ETFDH: variants seen among roughly 807,000 people sequenced by gnomAD.
ETFDH encodes electron transfer flavoprotein-ubiquinone oxidoreductase, mitochondrial.
ETFDH carries 61 observed loss-of-function variants against 73.2 expected under a neutral mutation model. That is an observed-to-expected ratio of 0.83 (90% CI 0.68 to 1.03). The LOEUF (loss-of-function observed/expected upper bound fraction) is 1.03, where lower values mean the gene tolerates loss of function less well. ETFDH is among the 50% of genes least tolerant of loss of function. The probability of loss-of-function intolerance (pLI) is 0.00; values close to 1 mark genes in which losing one functional copy is unlikely to be tolerated. For missense variants in ETFDH, 685 were observed against 745.0 expected (o/e 0.92, Z 0.94); for synonymous variants, 243 against 253.3 (o/e 0.96, Z 0.39).
At chr4:158,677,772 A>G (rs529011889) in intron 1 of ETFDH, among the ~76,000 whole-genome samples, 1 of 152,316 alleles carries the variant, frequency 6.6e-6, no homozygotes, top group African/African-American at 2.4e-5. Context: ...GGGAGAGGGT[A>G]TAATGAGGCA....
intron 6 of ETFDH, among the ~76,000 whole-genome samples, chr4:158,693,252 G>A (rs573959154): frequency 2.0e-4 from 30 of 152,324 alleles, no homozygotes; most frequent in Non-Finnish European, 3.8e-4. Context: ...ACTTGACACA[G>A]TTGGATTATG....
intron 2 of ETFDH, among the ~76,000 whole-genome samples, chr4:158,681,168 G>A (rs1773849961): frequency 6.6e-6 from 1 of 152,160 alleles, no homozygotes; most frequent in South Asian, 2.1e-4. Context: ...TGTCTTTGAT[G>A]ACCTTCCAGT....
At position 158,706,177 on chromosome 4, in the gene ETFDH, T is replaced by C. The variant is rs200645257; in HGVS notation, c.1286-12T>C. 2.5e-6 allele frequency: 4 copies of C among 1,588,866 alleles called. No individual in the cohort carries two copies. Among genetic ancestry groups the C allele is most frequent in the Non-Finnish European group, 2.6e-6 (3 of 1,157,086 alleles). ...CAGTTTCGCACTTAACATTTCATGTTTTTAATAAAAGGACTCCATGTAACT... is the reference window on the plus strand; with the variant it reads ...CAGTTTCGCACTTAACATTTCATGTCTTTAATAAAAGGACTCCATGTAACT... On this transcript the variant is annotated splice_polypyrimidine_tract_variant and intron_variant, in intron 10 of 12. Transcript: ENST00000511912.
At chr4:158,679,755 A>G (rs138223059) in intron 1 of ETFDH, 1 of 152,244 alleles carries the variant, frequency 6.6e-6, no homozygotes, top group East Asian at 1.9e-4. Flanking sequence ...TGACTCAAAA[A>G]TGTATACATT....
chr4:158,672,756 A>G lies in ETFDH; in HGVS notation c.34+266A>G, dbSNP rs78185171. 0.012 allele frequency among the ~76,000 whole-genome samples: 1,762 copies of G among 152,078 alleles called. 27 individuals carry two copies. Among genetic ancestry groups the G allele is most frequent in the African/African-American group, 0.038 (1,569 of 41,462 alleles). On this transcript the variant is annotated intron_variant, in intron 1 of 12. Coordinates refer to ENST00000511912, the MANE Select transcript of ETFDH (RefSeq NM_004453.4). ...CCCTCGGCATCACCACCACCTGTCA[A>G]CACACACACACCTCGGTGGACTCCT...
chr4:158,680,088 A>AAAAAAAAAAAAAC (rs1773808508), intron 1 of ETFDH: 1 of 151,212 alleles, frequency 6.6e-6, no homozygotes, highest in Non-Finnish European at 1.4e-5. Flanking sequence ...CTGTCTCAAA[A>AAAAAAAAAAAAAC]AAAAAAAAAA....
At chr4:158,685,576 C>T (rs1773983355) in intron 5 of ETFDH, among the ~76,000 whole-genome samples, 2 of 152,300 alleles carry the variant, frequency 1.3e-5, no homozygotes, top group South Asian at 2.1e-4. Flanking sequence ...TCCCTGCTCT[C>T]TCTTCCTCCC....
In ETFDH at chr4:158,693,210, G is replaced by C. The variant is rs78813330; in HGVS notation, c.685-2287G>C. ...TTGCCAATCTGGTGGACAGGTCTCTGTTTTCCCTTACTTGACCTTCTAGTG... is the reference window on the plus strand; with the variant it reads ...TTGCCAATCTGGTGGACAGGTCTCTCTTTTCCCTTACTTGACCTTCTAGTG... On this transcript the variant is annotated intron_variant, in intron 6 of 12. Transcript: ENST00000511912. 8.1e-3 allele frequency among the ~76,000 whole-genome samples: 1,238 copies of C among 152,292 alleles called. 14 individuals carry two copies. Among genetic ancestry groups the C allele is most frequent in the Middle Eastern group, 0.027 (8 of 294 alleles).
intron 12 of ETFDH, among the ~76,000 whole-genome samples, chr4:158,707,940 G>A (rs547232358): frequency 6.6e-6 from 1 of 152,176 alleles, no homozygotes; most frequent in Non-Finnish European, 1.5e-5. Context: ...CCTTAAGATG[G>A]AAAAGGCATC....
At chr4:158,674,719 C>A (rs915985624) in intron 1 of ETFDH, among the ~76,000 whole-genome samples, 1 of 152,166 alleles carries the variant, frequency 6.6e-6, no homozygotes, top group Admixed American at 6.5e-5. Context: ...AAGCATTAAT[C>A]TTTTATAGTA....
intron 9 of ETFDH, among the ~76,000 whole-genome samples, chr4:158,702,468 G>A (rs912196030): frequency 8.1e-5 from 12 of 148,934 alleles, no homozygotes; most frequent in East Asian, 2.0e-4. Flanking sequence ...CCCACGCCCC[G>A]CATCCCTTTC....
rs546974096 is a variant in ETFDH, at chr4:158,701,750, G to T, written c.1117-1673G>T. Among the ~76,000 whole-genome samples the T allele has an allele frequency of 2.6e-5, 4 of 152,216 alleles. No homozygotes were observed. The South Asian group carries it at 8.3e-4, about 32-fold the overall frequency. On this transcript the variant is annotated intron_variant, in intron 9 of 12. Transcript: ENST00000511912. ...TGGCTTACTTTAGGAAATCCTCAGA[G>T]AAGAAAAAAATACAGAATGTGGAAA...
At chr4:158,686,464 T>A (rs1774006978) in intron 5 of ETFDH, among the ~76,000 whole-genome samples, 1 of 152,152 alleles carries the variant, frequency 6.6e-6, no homozygotes, top group Non-Finnish European at 1.5e-5. Context: ...GACAGAAGGG[T>A]ATGATCTAAC....
chr4:158,695,207 G>A (rs1215878241), intron 6 of ETFDH, among the ~76,000 whole-genome samples: 4 of 152,298 alleles, frequency 2.6e-5, no homozygotes, highest in African/African-American at 9.6e-5. Flanking sequence ...TCCATTGGCA[G>A]AGGAGCTGGA....
At chr4:158,681,981 A>T in intron 2 of ETFDH, 1 of 580,138 alleles carries the variant, frequency 1.7e-6, no homozygotes. Flanking sequence ...GCCAAGAATT[A>T]GTTTATGGAA....
At chr4:158,685,371 C>T (rs542935871) in intron 5 of ETFDH, 152 bp downstream of exon 5, 48 of 606,864 alleles carry the variant, frequency 7.9e-5, no homozygotes, top group African/African-American at 6.7e-4. Flanking sequence ...GTATCTAATC[C>T]AAAGAGTACT....
In ETFDH at chr4:158,682,314, C is replaced by T. The variant is rs371493232; in HGVS notation, c.295C>T (p.Arg99Cys). 3.9e-5 allele frequency: 63 copies of T among 1,614,000 alleles called. No individual in the cohort carries two copies. The highest frequency in any genetic ancestry group is 8.9e-5 in the East Asian group (4 of 44,888). The change falls in exon 3 of 13, where the codon CGT becomes TGT. Residue 99 changes from arginine (R) to cysteine (C), a missense_variant. By Grantham distance (180) the Arg-to-Cys change is radical. Coordinates refer to ENST00000511912, the MANE Select transcript of ETFDH (RefSeq NM_004453.4). ...QLAVAHEKDIRVCLVEKAAQI... is the reference protein window; with the variant it reads ...QLAVAHEKDICVCLVEKAAQI... ...GGCTGTGGCACATGAAAAGGACATC[C>T]GTGTGTGTCTAGTGGAGAAAGCTGC...
intron 5 of ETFDH, among the ~76,000 whole-genome samples, chr4:158,689,497 CA>C (rs1774098848): frequency 6.7e-6 from 1 of 149,920 alleles, no homozygotes; most frequent in South Asian, 2.1e-4. Flanking sequence ...ATCTCTTTGC[CA>C]GGGTTTTTTG....
intron 4 of ETFDH, among the ~76,000 whole-genome samples, 170 bp from the exon 5 acceptor site, chr4:158,684,931 G>C (rs1261354957): frequency 1.3e-5 from 2 of 152,190 alleles, no homozygotes; most frequent in Non-Finnish European, 2.9e-5. Context: ...TGTTTGTAAT[G>C]TAATAAATTA....
Sources: gnomAD v4.1 joint callset for allele counts (sites outside exome capture counted in the v4.1 genomes callset) on GRCh38, gnomAD v4.1.1 for gene constraint, MANE v1.5 for transcripts, NCBI Gene and HGNC (gene_info 2026-07-23, HGNC 2026-07-21) for gene names.